Variants in NCALD observed in about 807,000 individuals in gnomAD.
NCALD encodes the protein neurocalcin-delta.
A neutral mutation model predicts 18.6 loss-of-function variants in NCALD; 10 were observed. That is an observed-to-expected ratio of 0.54 (90% CI 0.33 to 0.91). NCALD has a LOEUF of 0.91. Ranked by LOEUF, NCALD falls within the 40% of genes least tolerant of loss-of-function variation. The pLI is 0.03. For missense variants in NCALD, 184 were observed against 247.6 expected, an observed-to-expected ratio of 0.74 and a Z score of 1.72; for synonymous variants, 88 against 87.4, an observed-to-expected ratio of 1.01 and a Z score of -0.04.
chr8:101,758,311 C>A (rs1293445678), intron 1 of NCALD, among the ~76,000 whole-genome samples: 1 of 152,190 alleles, frequency 6.6e-6, no homozygotes, highest in East Asian at 1.9e-4. Context: ...AGCTCTCCCC[C>A]TCCATAGGCT....
intron 3 of NCALD, among the ~76,000 whole-genome samples, chr8:101,902,682 A>G (rs932160992): frequency 6.6e-6 from 1 of 152,112 alleles, no homozygotes; most frequent in Non-Finnish European, 1.5e-5. Flanking sequence ...TACTCATCTT[A>G]CTGTCAACCT....
At chr8:101,762,033 C>T (rs572117530) in intron 1 of NCALD, among the ~76,000 whole-genome samples, 1 of 152,306 alleles carries the variant, frequency 6.6e-6, no homozygotes, top group African/African-American at 2.4e-5. Flanking sequence ...GGCAATTCTT[C>T]TCCCTTAATT....
chr8:101,748,042 T>C (rs927545904), intron 1 of NCALD, among the ~76,000 whole-genome samples: 1 of 152,156 alleles, frequency 6.6e-6, no homozygotes, highest in African/African-American at 2.4e-5. Context: ...TATACACTAA[T>C]AATGGAATGA....
At chr8:102,086,620 T>C (rs1278143884) in intron 1 of NCALD, among the ~76,000 whole-genome samples, 1 of 152,142 alleles carries the variant, frequency 6.6e-6, no homozygotes, top group Non-Finnish European at 1.5e-5. Flanking sequence ...CCATCCTCTA[T>C]AAGTGTAATT....
At chr8:101,772,728 T>G (rs538581285) in intron 1 of NCALD, among the ~76,000 whole-genome samples, 1 of 152,340 alleles carries the variant, frequency 6.6e-6, no homozygotes, top group South Asian at 2.1e-4. Flanking sequence ...GTCCCATGGC[T>G]CTACTCTACT....
At chr8:101,853,656 C>A (rs1003016333) in intron 4 of NCALD, among the ~76,000 whole-genome samples, 1 of 152,066 alleles carries the variant, frequency 6.6e-6, no homozygotes, top group African/African-American at 2.4e-5. Flanking sequence ...TAAGTTGATC[C>A]CTAGGTTTTT....
chr8:102,003,151 C>A (rs996053325), intron 2 of NCALD, among the ~76,000 whole-genome samples: 24 of 151,848 alleles, frequency 1.6e-4, no homozygotes, highest in Non-Finnish European at 2.2e-4. Flanking sequence ...ATAAAGAAGA[C>A]AAGAGAGAAG....
chr8:101,781,414 T>C (rs1383092338), intron 1 of NCALD, among the ~76,000 whole-genome samples: 1 of 152,068 alleles, frequency 6.6e-6, no homozygotes, highest in East Asian at 1.9e-4. Flanking sequence ...CCCTCACCAT[T>C]CCCTCCTGAA....
intron 2 of NCALD, among the ~76,000 whole-genome samples, chr8:101,962,723 C>T (rs975319668): frequency 2.0e-5 from 3 of 152,008 alleles, no homozygotes; most frequent in Non-Finnish European, 2.9e-5. Flanking sequence ...TAGAGTTAAG[C>T]CTTTGAGGCA....
At chr8:101,887,587 A>T (rs1816721077) in intron 3 of NCALD, among the ~76,000 whole-genome samples, 1 of 151,632 alleles carries the variant, frequency 6.6e-6, no homozygotes, top group South Asian at 2.1e-4. Context: ...GATTATAAAC[A>T]TTAGAATAAA....
chr8:101,769,962 C>T lies in NCALD; in HGVS notation c.-20+20900G>A, dbSNP rs112503005. 4.9e-3 allele frequency among the ~76,000 whole-genome samples: 752 copies of T among 152,190 alleles called. 15 individuals carry two copies. Among genetic ancestry groups the T allele is most frequent in the African/African-American group, 0.017 (698 of 41,518 alleles). On this transcript the variant is annotated intron_variant, in intron 1 of 3. Transcript: ENST00000220931. ...GATGGGAGAACCAACAGCTCAGAGA[C>T]GGAATTCTAACATGAACAAAGATCA...
rs1035296944 is a variant in NCALD at position 102,032,441 on chromosome 8, C to T, written c.-209-12152G>A. Among the ~76,000 whole-genome samples, 9 of 151,672 alleles carry T rather than the reference C, an allele frequency of 5.9e-5. No homozygotes were observed. The East Asian group carries it at 9.7e-4, about 16-fold the overall frequency. ...TGTTGTATATCCACTCAGGGATGGC[C>T]CTGAAAGATAGCGTAGAGAGAAAAT... On this transcript the variant is annotated intron_variant, in intron 1 of 6. Transcript: ENST00000311028.
intron 3 of NCALD, among the ~76,000 whole-genome samples, chr8:101,888,390 T>G (rs540071363): frequency 1.3e-5 from 2 of 151,576 alleles, no homozygotes; most frequent in South Asian, 4.1e-4. Flanking sequence ...TAGCTGGACT[T>G]TCTTTTTTAT....
At chr8:101,845,642 G>A (rs1260096735) in intron 4 of NCALD, among the ~76,000 whole-genome samples, 7 of 152,142 alleles carry the variant, frequency 4.6e-5, no homozygotes, top group South Asian at 4.1e-4. Context: ...TGGGATGTCC[G>A]TCACCTCCAA....
At chr8:101,928,686 T>C (rs1446906282) in intron 2 of NCALD, among the ~76,000 whole-genome samples, 2 of 152,196 alleles carry the variant, frequency 1.3e-5, no homozygotes, top group African/African-American at 4.8e-5. Context: ...ATTGATCTCC[T>C]GTTTATTCAT....
At chr8:102,005,487 G>C (rs1247636599) in intron 2 of NCALD, among the ~76,000 whole-genome samples, 2 of 152,148 alleles carry the variant, frequency 1.3e-5, no homozygotes, top group East Asian at 3.9e-4. Flanking sequence ...CAGGGATCTA[G>C]AACTAGAAAT....
intron 2 of NCALD, among the ~76,000 whole-genome samples, chr8:102,013,077 T>A (rs1440129967): frequency 6.6e-6 from 1 of 152,118 alleles, no homozygotes; most frequent in Non-Finnish European, 1.5e-5. Flanking sequence ...ACATTCCTAC[T>A]ACCTAGGCAC....
chr8:101,990,324 A>G (rs1820991996), intron 2 of NCALD, among the ~76,000 whole-genome samples: 1 of 152,218 alleles, frequency 6.6e-6, no homozygotes, highest in South Asian at 2.1e-4. Flanking sequence ...GAAGCCAGGG[A>G]GGGAGATAGC....
chr8:101,726,440 A>G (rs2211919), intron 1 of NCALD, among the ~76,000 whole-genome samples: 149,123 of 152,102 alleles, frequency 0.98, 73,161 homozygotes, highest in Non-Finnish European at 1. Context: ...GTTGTATTCC[A>G]GGTACTGCTT....
Sources: allele counts gnomAD v4.1 joint callset (sites outside exome capture counted in the v4.1 genomes callset), GRCh38; gene constraint gnomAD v4.1.1; transcripts MANE v1.5; gene names NCBI Gene and HGNC (gene_info 2026-07-23, HGNC 2026-07-21).